NAV3: variants seen among roughly 807,000 people sequenced by gnomAD.
NAV3 encodes the protein pore membrane and/or filament interacting like protein 1.
Under a neutral mutation model 244.7 loss-of-function variants are expected in NAV3, and 87 were observed. The observed-to-expected ratio is 0.36, with a 90% CI of 0.30 to 0.42. NAV3 has a LOEUF of 0.42. NAV3 is among the 20% of genes least tolerant of loss of function. NAV3 has a pLI of 1.00. For synonymous variants in NAV3, 1,126 were observed against 1,042.2 expected (o/e 1.08, Z -1.55); for missense variants, 2,663 against 2,893.3 (o/e 0.92, Z 1.83).
chr12:77,824,533 C>A (rs1357722097), intron 2 of NAV3, among the ~76,000 whole-genome samples: 1 of 151,732 alleles, frequency 6.6e-6, no homozygotes, highest in Non-Finnish European at 1.5e-5. Context: ...AAAAAGTTTC[C>A]AAAATTTGAT....
intron 5 of NAV3, among the ~76,000 whole-genome samples, chr12:77,989,169 G>A (rs562669590): frequency 1.1e-4 from 17 of 152,050 alleles, no homozygotes; most frequent in Non-Finnish European, 2.5e-4. Flanking sequence ...CATTGCAAAC[G>A]TTCAACTAAG....
chr12:77,789,816 GAAAAA>G (rs57070028), intron 2 of NAV3, among the ~76,000 whole-genome samples: 4 of 75,670 alleles, frequency 5.3e-5, no homozygotes, highest in African/African-American at 1.4e-4. Context: ...GTCTCGAAAA[GAAAAA>G]AAAAAAAAAA....
intron 28 of NAV3, 88 bp downstream of exon 28, chr12:78,177,773 C>T (rs1958304292): frequency 8.5e-7 from 1 of 1,178,444 alleles, no homozygotes; most frequent in Admixed American, 2.1e-5. Context: ...AAATCACTCA[C>T]ATGCATTTCA....
intron 12 of NAV3, among the ~76,000 whole-genome samples, chr12:78,111,272 T>C (rs188981654): frequency 6.6e-6 from 1 of 152,216 alleles, no homozygotes; most frequent in Non-Finnish European, 1.5e-5. Context: ...ACTAATCCAG[T>C]ATCATTCACT....
At chr12:77,962,514 C>A (rs889749676) in intron 3 of NAV3, among the ~76,000 whole-genome samples, 1 of 152,084 alleles carries the variant, frequency 6.6e-6, no homozygotes, top group African/African-American at 2.4e-5. Context: ...AATGCCATAT[C>A]TTCCCATCAA....
intron 22 of NAV3, among the ~76,000 whole-genome samples, chr12:78,157,971 G>T (rs1160744135): frequency 1.3e-5 from 2 of 152,080 alleles, no homozygotes; most frequent in Non-Finnish European, 2.9e-5. Context: ...CTAGGAACAT[G>T]CACCTTTGTA....
chr12:77,580,219 A>AAAACAC (rs540863736), intron 2 of NAV3, among the ~76,000 whole-genome samples: 18,574 of 145,350 alleles, frequency 0.13, 1,472 homozygotes, highest in Admixed American at 0.2. Context: ...GTAGGGTGGG[A>AAAACAC]ACACACACAC....
intron 2 of NAV3, among the ~76,000 whole-genome samples, chr12:77,750,280 GA>G (rs1180279923): frequency 6.6e-6 from 1 of 152,174 alleles, no homozygotes; most frequent in Non-Finnish European, 1.5e-5. Context: ...TTGAACCTGG[GA>G]GGCAGAGGTT....
intron 12 of NAV3, among the ~76,000 whole-genome samples, chr12:78,097,287 G>T (rs1954302085): frequency 6.6e-6 from 1 of 152,140 alleles, no homozygotes; most frequent in Non-Finnish European, 1.5e-5. Flanking sequence ...CTTGCATTTT[G>T]TCTTCTCTTC....
chr12:77,733,719 T>C (rs932832541), intron 2 of NAV3, among the ~76,000 whole-genome samples: 2 of 151,852 alleles, frequency 1.3e-5, no homozygotes, highest in African/African-American at 4.8e-5. Flanking sequence ...CAACAAAGCA[T>C]GGCTTCATGA....
At chr12:77,836,760 A>C (rs1193630588) in intron 1 of NAV3, among the ~76,000 whole-genome samples, 1 of 152,200 alleles carries the variant, frequency 6.6e-6, no homozygotes, top group Non-Finnish European at 1.5e-5. Flanking sequence ...TCAAAGGTCA[A>C]ATAAAAGTAT....
chr12:77,654,832 A>G (rs11106147), intron 2 of NAV3, among the ~76,000 whole-genome samples: 25,059 of 147,134 alleles, frequency 0.17, 2,860 homozygotes, highest in African/African-American at 0.32. Context: ...CACCACTGCT[A>G]ATACCCAGGC....
intron 1 of NAV3, among the ~76,000 whole-genome samples, chr12:77,903,809 A>G (rs1885612794): frequency 6.6e-6 from 1 of 152,146 alleles, no homozygotes; most frequent in Non-Finnish European, 1.5e-5. Flanking sequence ...AAAGAAACAA[A>G]CAACCCCATC....
chr12:77,806,406 C>T (rs555311043), intron 2 of NAV3, among the ~76,000 whole-genome samples: 1 of 152,270 alleles, frequency 6.6e-6, no homozygotes, highest in Non-Finnish European at 1.5e-5. Context: ...TTTATTTCTG[C>T]CTTCATTTTG....
chr12:77,622,530 A>G (rs1871420991), intron 2 of NAV3, among the ~76,000 whole-genome samples: 1 of 131,288 alleles, frequency 7.6e-6, no homozygotes, highest in South Asian at 2.5e-4. Context: ...GTTCATCCAT[A>G]TGGATTTTTT....
At chr12:78,175,465 A>T (rs2139653378) in intron 25 of NAV3, 38 bp downstream of exon 25, 1 of 1,597,350 alleles carries the variant, frequency 6.3e-7, no homozygotes, top group Non-Finnish European at 8.5e-7. Flanking sequence ...GAAGCTTATT[A>T]ATGCATAATG....
At chr12:77,637,510 C>A (rs1318594716) in intron 2 of NAV3, among the ~76,000 whole-genome samples, 2 of 152,048 alleles carry the variant, frequency 1.3e-5, no homozygotes, top group African/African-American at 4.8e-5. Flanking sequence ...TAAGCAGCTA[C>A]TATGTGCAAG....
At chr12:77,920,951 G>A (rs1020398863) in intron 1 of NAV3, among the ~76,000 whole-genome samples, 6 of 152,010 alleles carry the variant, frequency 3.9e-5, no homozygotes, top group Non-Finnish European at 8.8e-5. Context: ...GGAATAGAGT[G>A]GCTGTGGGTA....
chr12:77,779,391 G>A (rs970391374), intron 2 of NAV3, among the ~76,000 whole-genome samples: 9 of 152,128 alleles, frequency 5.9e-5, no homozygotes, highest in Admixed American at 1.3e-4. Context: ...ATCTAGGACC[G>A]CTGAAGAAGA....
Sources: gnomAD v4.1 joint callset for allele counts (sites outside exome capture counted in the v4.1 genomes callset) on GRCh38, gnomAD v4.1.1 for gene constraint, MANE v1.5 for transcripts, NCBI Gene and HGNC (gene_info 2026-07-23, HGNC 2026-07-21) for gene names.